Variants in HS3ST5 observed in about 807,000 individuals in gnomAD.
HS3ST5 encodes the protein heparan sulfate glucosamine 3-O-sulfotransferase 5.
HS3ST5 carries 10 observed loss-of-function variants against 25.4 expected under a neutral mutation model. That is an observed-to-expected ratio of 0.39 (90% CI 0.24 to 0.67). HS3ST5 has a LOEUF of 0.67. Among genes scored for constraint, HS3ST5 ranks in the 30% least tolerant of loss-of-function variants. The pLI, the probability that HS3ST5 is intolerant of heterozygous loss-of-function variation, is 0.44. For synonymous variants in HS3ST5, 170 were observed against 162.4 expected (o/e 1.05, Z -0.36); for missense variants, 324 against 420.7 (o/e 0.77, Z 2.01).
chr6:114,198,857 C>G (rs6913584), intron 2 of HS3ST5, among the ~76,000 whole-genome samples: 33,264 of 151,738 alleles, frequency 0.22, 3,783 homozygotes, highest in Middle Eastern at 0.27. Flanking sequence ...CTCATGATGA[C>G]CAAACATCTG....
chr6:114,075,437 C>A (rs1403076881), intron 3 of HS3ST5, among the ~76,000 whole-genome samples: 1 of 152,198 alleles, frequency 6.6e-6, no homozygotes, highest in Non-Finnish European at 1.5e-5. Flanking sequence ...TCTTCAAAAA[C>A]CACATGCAAA....
rs1774650354 is a variant in HS3ST5, at chr6:114,084,385, T to C, written c.-32-21508A>G. On this transcript the variant is annotated intron_variant, in intron 3 of 4. Transcript: ENST00000312719. Reference sequence around the variant, plus strand: ...AGTCCATTCACCCTGAAATTCCTCCTCGGTCACAGCATTTTCAGCAGCAGC... The same window carrying C: ...AGTCCATTCACCCTGAAATTCCTCCCCGGTCACAGCATTTTCAGCAGCAGC... 8 of 756,028 alleles carry C rather than the reference T, an allele frequency of 1.1e-5. No homozygotes were observed. In the South Asian group the frequency reaches 1.1e-4, roughly 10 times the overall value. 46.8% of individuals were successfully genotyped at this position (756,028 alleles called of 1,614,324 possible). A position where few individuals can be genotyped will look rare whatever the true frequency, so the allele number is the denominator to read the frequency against.
intron 1 of HS3ST5, among the ~76,000 whole-genome samples, chr6:114,341,222 G>GGAGAGAGAGAGAGA (rs4034605): frequency 0.036 from 1,697 of 46,550 alleles, 197 homozygotes; most frequent in Middle Eastern, 0.05. Context: ...GGAGAGAGGG[G>GGAGAGAGAGAGAGA]GAGAGAGAGA....
chr6:114,167,090 A>G (rs1027600367), intron 3 of HS3ST5, among the ~76,000 whole-genome samples: 3 of 152,224 alleles, frequency 2.0e-5, no homozygotes, highest in Non-Finnish European at 2.9e-5. Context: ...GGCTCAAGCC[A>G]TTCTCCTGCC....
chr6:114,160,435 G>A (rs992111001), intron 3 of HS3ST5, among the ~76,000 whole-genome samples: 1 of 151,938 alleles, frequency 6.6e-6, no homozygotes, highest in African/African-American at 2.4e-5. Context: ...AGAAAAACTT[G>A]AGATCTCAGA....
chr6:114,084,828 CTTTTCTTTTT>C lies in HS3ST5; in HGVS notation c.-32-21961_-32-21952del. The C allele has an allele frequency of 5.1e-6, 3 of 593,042 alleles. No homozygotes were observed. In the South Asian group the frequency reaches 5.9e-5, roughly 12 times the overall value. The allele number at this position is 593,042 out of a possible 1,614,324, so 36.7% of individuals were successfully genotyped here. A position where few individuals can be genotyped will look rare whatever the true frequency, so the allele number is the denominator to read the frequency against. On this transcript the variant is annotated intron_variant, in intron 3 of 4. Transcript: ENST00000312719. ...TCTTAGAAAATTTCTTTTTTCTTTTCTTTTCTTTTTTTTTTTTTTTTTGAGACGGAGTCTC... is the reference window on the plus strand; with the variant it reads ...TCTTAGAAAATTTCTTTTTTCTTTTCTTTTTTTTTTTTGAGACGGAGTCTC...
At chr6:114,336,162 A>C (rs1377783434) in intron 1 of HS3ST5, among the ~76,000 whole-genome samples, 1 of 152,218 alleles carries the variant, frequency 6.6e-6, no homozygotes, top group Admixed American at 6.5e-5. Flanking sequence ...TGATGATGGT[A>C]TGTTGATGTT....
At chr6:114,237,824 C>T (rs1181143762) in intron 1 of HS3ST5, among the ~76,000 whole-genome samples, 2 of 152,050 alleles carry the variant, frequency 1.3e-5, no homozygotes, top group African/African-American at 2.4e-5. Context: ...ATGAAAACCA[C>T]GATACCTTTT....
intron 1 of HS3ST5, among the ~76,000 whole-genome samples, chr6:114,311,117 T>C (rs919017080): frequency 5.3e-5 from 8 of 152,096 alleles, no homozygotes; most frequent in African/African-American, 1.4e-4. Flanking sequence ...CATAGCACTG[T>C]TAATAATGAC....
At chr6:114,244,842 T>G (rs1772308411) in intron 1 of HS3ST5, among the ~76,000 whole-genome samples, 1 of 152,204 alleles carries the variant, frequency 6.6e-6, no homozygotes, top group African/African-American at 2.4e-5. Context: ...GGCTTTTAAA[T>G]TAAAAGGCTG....
chr6:114,314,233 C>A (rs1775659657), intron 1 of HS3ST5, among the ~76,000 whole-genome samples: 1 of 152,158 alleles, frequency 6.6e-6, no homozygotes, highest in Admixed American at 6.5e-5. Flanking sequence ...AAGCCCCAAT[C>A]CCCATTTCTG....
chr6:114,254,421 A>G (rs1303997685), intron 1 of HS3ST5, among the ~76,000 whole-genome samples: 1 of 152,226 alleles, frequency 6.6e-6, no homozygotes, highest in African/African-American at 2.4e-5. Context: ...CTGAGGCTAT[A>G]AAGTCCAATG....
At chr6:114,144,360 G>T (rs1344381846) in intron 3 of HS3ST5, among the ~76,000 whole-genome samples, 3 of 143,302 alleles carry the variant, frequency 2.1e-5, no homozygotes, top group Non-Finnish European at 4.6e-5. Flanking sequence ...ACCAGTCATT[G>T]TTCAAAGATT....
chr6:114,064,186 G>T lies in HS3ST5; in HGVS notation c.-32-1309C>A, dbSNP rs545056124. ...ATTGTTTTGCTGCAATGATATCTCT[G>T]TATTGCTATGTGAAGTTTTTCTTTG... On this transcript the variant is annotated intron_variant, in intron 3 of 4. Coordinates refer to ENST00000312719, the MANE Select transcript of HS3ST5 (RefSeq NM_153612.4). Among the ~76,000 whole-genome samples the T allele has an allele frequency of 4.6e-5, 7 of 152,294 alleles. No homozygotes were observed. The South Asian group carries it at 1.2e-3, about 27-fold the overall frequency.
intron 3 of HS3ST5, among the ~76,000 whole-genome samples, chr6:114,081,507 C>T (rs1159428151): frequency 6.6e-6 from 1 of 152,190 alleles, no homozygotes. Flanking sequence ...TTGAAACTTA[C>T]AGTTGTTAAT....
intron 3 of HS3ST5, among the ~76,000 whole-genome samples, chr6:114,129,982 G>A (rs894484240): frequency 1.3e-5 from 2 of 152,130 alleles, no homozygotes; most frequent in African/African-American, 4.8e-5. Flanking sequence ...TAGAAATCAC[G>A]TAGTCTACAC....
At chr6:114,238,011 G>A (rs183426879) in intron 1 of HS3ST5, among the ~76,000 whole-genome samples, 2 of 152,254 alleles carry the variant, frequency 1.3e-5, no homozygotes, top group African/African-American at 4.8e-5. Flanking sequence ...AGAATCCTAA[G>A]CTTTTAAAAA....
chr6:114,201,110 A>C (rs927465724), intron 2 of HS3ST5, among the ~76,000 whole-genome samples: 8 of 152,176 alleles, frequency 5.3e-5, no homozygotes, highest in Non-Finnish European at 1.0e-4. Flanking sequence ...CTGACTTGAC[A>C]TTTCTACTTG....
chr6:114,220,760 C>G (rs1309632183), intron 2 of HS3ST5: 1 of 152,032 alleles, frequency 6.6e-6, no homozygotes, highest in South Asian at 2.1e-4. Flanking sequence ...TGAGATTGGA[C>G]ACGTTCAGGG....
Sources: allele counts gnomAD v4.1 joint callset (sites outside exome capture counted in the v4.1 genomes callset), GRCh38; gene constraint gnomAD v4.1.1; transcripts MANE v1.5; gene names NCBI Gene and HGNC (gene_info 2026-07-23, HGNC 2026-07-21).